RYR2: variants seen among roughly 807,000 people sequenced by gnomAD.
The protein encoded by RYR2 is ryanodine receptor 2.
A neutral mutation model predicts 601.1 loss-of-function variants in RYR2; 227 were observed. The ratio of observed to expected loss-of-function variants is 0.38; its 90% CI spans 0.34 to 0.42. The LOEUF (loss-of-function observed/expected upper bound fraction) is 0.42. RYR2 is among the 10% of genes least tolerant of loss of function. RYR2 has a pLI of 1.00. For missense variants in RYR2, 4,646 were observed against 6,156.5 expected (o/e 0.75, Z 8.21); for synonymous variants, 2,223 against 2,175.1 (o/e 1.02, Z -0.61).
chr1:237,161,944 A>G (rs1164444461), intron 1 of RYR2, among the ~76,000 whole-genome samples: 1 of 152,162 alleles, frequency 6.6e-6, no homozygotes, highest in East Asian at 1.9e-4. Flanking sequence ...TGTAGTGAAC[A>G]TTTGTTGAGC....
At chr1:237,112,788 G>C (rs1287091155) in intron 1 of RYR2, among the ~76,000 whole-genome samples, 13 of 152,038 alleles carry the variant, frequency 8.6e-5, no homozygotes, top group Admixed American at 8.5e-4. Context: ...GATTCTTCCT[G>C]ACTTTTAAAA....
chr1:237,246,662 T>C (rs1024489412), intron 1 of RYR2, among the ~76,000 whole-genome samples: 2 of 152,216 alleles, frequency 1.3e-5, no homozygotes, highest in Non-Finnish European at 2.9e-5. Flanking sequence ...ATTTTGTTTA[T>C]GAAACATTTG....
chr1:237,113,612 C>T (rs994592363), intron 1 of RYR2, among the ~76,000 whole-genome samples: 1 of 152,148 alleles, frequency 6.6e-6, no homozygotes, highest in Admixed American at 6.5e-5. Context: ...TGCACAATTC[C>T]TGGCCCAGGG....
chr1:237,560,140 T>C (rs1252197901), intron 27 of RYR2, among the ~76,000 whole-genome samples: 2 of 152,254 alleles, frequency 1.3e-5, no homozygotes, highest in East Asian at 3.8e-4. Context: ...CCTGAATACA[T>C]GCACAGCCCT....
intron 12 of RYR2, among the ~76,000 whole-genome samples, chr1:237,435,135 T>C (rs181972601): frequency 2.6e-5 from 4 of 152,322 alleles, no homozygotes; most frequent in Admixed American, 2.0e-4. Flanking sequence ...TTATTTTTCA[T>C]TCAGAATATG....
intron 91 of RYR2, among the ~76,000 whole-genome samples, chr1:237,786,470 C>T (rs1215173993): frequency 6.6e-6 from 1 of 152,210 alleles, no homozygotes; most frequent in Non-Finnish European, 1.5e-5. Flanking sequence ...AAACCATAGA[C>T]CCAGGACCAC....
intron 29 of RYR2, among the ~76,000 whole-genome samples, chr1:237,575,959 G>A (rs1322624692): frequency 1.3e-5 from 2 of 151,850 alleles, no homozygotes; most frequent in Admixed American, 1.3e-4. Flanking sequence ...TATTCTAGCA[G>A]CAGTTAAGAA....
intron 42 of RYR2, among the ~76,000 whole-genome samples, chr1:237,631,873 C>T (rs1179417872): frequency 2.0e-5 from 1 of 50,112 alleles, no homozygotes; most frequent in African/African-American, 1.7e-4. Context: ...CGTGATCCGC[C>T]CGCCTTGGCC....
At chr1:237,668,518 A>G (rs940235703) in intron 58 of RYR2, among the ~76,000 whole-genome samples, 21 of 152,156 alleles carry the variant, frequency 1.4e-4, no homozygotes, top group African/African-American at 5.1e-4. Context: ...GTCTATACAC[A>G]TATTGTTTAT....
intron 62 of RYR2, among the ~76,000 whole-genome samples, chr1:237,687,025 G>T (rs769614458): frequency 2.6e-5 from 4 of 152,120 alleles, no homozygotes; most frequent in Non-Finnish European, 4.4e-5. Flanking sequence ...TACGTCTGTT[G>T]TAAAATAAAA....
At chr1:237,222,887 GA>G (rs1025833299) in intron 1 of RYR2, among the ~76,000 whole-genome samples, 6 of 152,138 alleles carry the variant, frequency 3.9e-5, no homozygotes, top group African/African-American at 1.4e-4. Flanking sequence ...CCAACATAGA[GA>G]AACCCTGTCT....
At chr1:237,446,296 C>T (rs777064856) in intron 14 of RYR2, among the ~76,000 whole-genome samples, 10 of 152,140 alleles carry the variant, frequency 6.6e-5, no homozygotes, top group Non-Finnish European at 1.3e-4. Context: ...CTCTGACTTG[C>T]GAGAGATTGC....
chr1:237,608,705 TTATTA>T, intron 35 of RYR2, among the ~76,000 whole-genome samples: 1 of 151,300 alleles, frequency 6.6e-6, no homozygotes, highest in East Asian at 2.0e-4. Context: ...CTTGTCTCAA[TTATTA>T]TATTAAAAAA....
At chr1:237,545,954 A>C (rs1158778649) in intron 25 of RYR2, among the ~76,000 whole-genome samples, 1 of 150,526 alleles carries the variant, frequency 6.6e-6, no homozygotes, top group Admixed American at 6.6e-5. Flanking sequence ...TATATATATT[A>C]ATGTTTTGGG....
At chr1:237,566,286 G>A (rs917004263) in intron 27 of RYR2, among the ~76,000 whole-genome samples, 1 of 151,964 alleles carries the variant, frequency 6.6e-6, no homozygotes, top group African/African-American at 2.4e-5. Flanking sequence ...CAGAAAGGTC[G>A]TTCCCTCCTG....
In RYR2 at chr1:237,727,088, T is replaced by C; in HGVS notation, c.10727T>C (p.Val3576Ala). The C allele has an allele frequency of 6.8e-7, 1 of 1,477,874 alleles. No individual in the cohort carries two copies. The highest frequency in any genetic ancestry group is 9.5e-7 in the Non-Finnish European group (1 of 1,055,748). 91.5% of individuals were successfully genotyped at this position (1,477,874 alleles called of 1,614,324 possible). A position where few individuals can be genotyped will look rare whatever the true frequency, so the allele number is the denominator to read the frequency against. Reference sequence around the variant, plus strand: ...TTTATTTGTGTCATTCTACCTCAGGTGGAACATCCTCAGAGATCTAAAAAG... The same window carrying C: ...TTTATTTGTGTCATTCTACCTCAGGCGGAACATCCTCAGAGATCTAAAAAG... ...KRVGRRHYCL[V>A]EHPQRSKKAV... is the part of the protein sequence containing the mutation. Residue 3576 changes from valine (V) to alanine (A), a missense_variant and splice_region_variant, in exon 76 of 105, where the codon GTG becomes GCG. This residue lies in a region of RYR2 where 1,497 missense variants were observed against 1,842.6 expected (regional missense o/e 0.81). Transcript: ENST00000366574.
chr1:237,130,193 G>GT (rs1296843384), intron 1 of RYR2, among the ~76,000 whole-genome samples: 1 of 152,124 alleles, frequency 6.6e-6, no homozygotes, highest in Non-Finnish European at 1.5e-5. Flanking sequence ...AAAACATCAC[G>GT]TTGTACACAG....
At chr1:237,119,759 ACCTGGGGGAAAG>A (rs1670572901) in intron 1 of RYR2, among the ~76,000 whole-genome samples, 2 of 152,104 alleles carry the variant, frequency 1.3e-5, no homozygotes, top group Non-Finnish European at 2.9e-5. Context: ...TGCCAGGGAG[ACCTGGGGGAAAG>A]CCTTTCACCT....
intron 63 of RYR2, among the ~76,000 whole-genome samples, chr1:237,694,775 A>C (rs545189189): frequency 3.9e-5 from 6 of 152,318 alleles, no homozygotes; most frequent in Non-Finnish European, 7.4e-5. Flanking sequence ...TCCTCACCAA[A>C]TTAGGGAACC....
Sources: gnomAD v4.1 joint callset for allele counts (sites outside exome capture counted in the v4.1 genomes callset) on GRCh38, gnomAD v4.1.1 for gene constraint, gnomAD v4.1.1 regional missense constraint, MANE v1.5 for transcripts, NCBI Gene and HGNC (gene_info 2026-07-23, HGNC 2026-07-21) for gene names.